The following FOXP2 variants were observed in gnomAD, a reference collection of about 807,000 sequenced individuals.
FOXP2 encodes forkhead box P2, also known as forkhead box protein P2.
Under a neutral mutation model 115.8 loss-of-function variants are expected in FOXP2, and 12 were observed. The observed-to-expected ratio is 0.10, with a 90% CI of 0.07 to 0.17. The LOEUF is 0.17. FOXP2 is among the 10% of genes least tolerant of loss of function. FOXP2 has a pLI of 1.00. For synonymous variants in FOXP2, 328 were observed against 297.7 expected (o/e 1.10, Z -1.05); for missense variants, 629 against 843.5 (o/e 0.75, Z 3.15).
At position 114,629,915 on chromosome 7, in the gene FOXP2, G is replaced by GCAA. The variant is rs398124272; in HGVS notation, c.522_524dup (p.Gln191dup). ...AACAACAGCAGCAACAACAGCAGCAGCAACAACAACAACAACAGCAGCAAC... is the reference window on the plus strand; with the variant it reads ...AACAACAGCAGCAACAACAGCAGCAGCAACAACAACAACAACAACAGCAGCAAC... On this transcript the variant is annotated inframe_insertion, in exon 5 of 17. Coordinates refer to ENST00000350908, the MANE Select transcript of FOXP2 (RefSeq NM_014491.4). The GCAA allele has an allele frequency of 1.6e-5, 25 of 1,608,492 alleles. No homozygotes were observed. Among genetic ancestry groups the GCAA allele is most frequent in the African/African-American group, 1.1e-4 (8 of 73,660 alleles).
chr7:114,421,924 T>G (rs980250227), intron 1 of FOXP2, among the ~76,000 whole-genome samples: 9 of 151,846 alleles, frequency 5.9e-5, no homozygotes, highest in African/African-American at 2.2e-4. Context: ...TTCAGAAGTT[T>G]TAAATCACAG....
At position 114,389,103 on chromosome 7, in the gene FOXP2, A is replaced by G. The variant is rs561498094; in HGVS notation, c.-10-37399A>G. Among the ~76,000 whole-genome samples, 5 of 152,356 alleles carry G rather than the reference A, an allele frequency of 3.3e-5. No homozygotes were observed. The South Asian group carries it at 8.3e-4, about 25-fold the overall frequency. ...GCTATACTAGCTTTTCCTGAATGAC[A>G]TGGTAGACATATTCCTTCATATCAT... is the stretch of plus-strand genomic sequence containing the variant. On this transcript the variant is annotated intron_variant, in intron 2 of 17. Coordinates refer to the FOXP2 transcript ENST00000634411.
At chr7:114,656,559 G>A in intron 10 of FOXP2, 1 of 434,240 alleles carries the variant, frequency 2.3e-6, no homozygotes, top group Admixed American at 2.7e-5. Flanking sequence ...TGTATTAAAT[G>A]CAGCATTTAG....
chr7:114,465,441 T>G (rs1795760621), intron 2 of FOXP2, among the ~76,000 whole-genome samples: 1 of 152,192 alleles, frequency 6.6e-6, no homozygotes, highest in African/African-American at 2.4e-5. Flanking sequence ...GCATAGAAAC[T>G]TATTAGAGTG....
chr7:114,615,980 T>G (rs1455343114), intron 3 of FOXP2, among the ~76,000 whole-genome samples: 1 of 152,206 alleles, frequency 6.6e-6, no homozygotes, highest in Non-Finnish European at 1.5e-5. Context: ...CTTTATTTCT[T>G]TCCTAGAATA....
chr7:114,519,795 G>A (rs1000327192), intron 2 of FOXP2, among the ~76,000 whole-genome samples: 1 of 152,040 alleles, frequency 6.6e-6, no homozygotes, highest in Non-Finnish European at 1.5e-5. Context: ...TCAAGCAGTG[G>A]CCATTTGGGA....
intron 2 of FOXP2, among the ~76,000 whole-genome samples, chr7:114,332,116 G>A (rs1797729306): frequency 6.6e-6 from 1 of 151,770 alleles, no homozygotes; most frequent in South Asian, 2.1e-4. Flanking sequence ...ATATGAACGT[G>A]TGTGTGTGTG....
intron 1 of FOXP2, among the ~76,000 whole-genome samples, chr7:114,115,864 A>G (rs974589895): frequency 1.4e-4 from 22 of 152,250 alleles, no homozygotes; most frequent in Middle Eastern, 3.4e-3. Context: ...CACCTGGTGT[A>G]TGGTAGGAAT....
chr7:114,377,705 C>G (rs1037227997), intron 2 of FOXP2, among the ~76,000 whole-genome samples: 3 of 152,194 alleles, frequency 2.0e-5, no homozygotes, highest in Non-Finnish European at 4.4e-5. Context: ...CTCCTGGAAG[C>G]TTTCTTCACA....
intron 2 of FOXP2, among the ~76,000 whole-genome samples, chr7:114,313,138 C>T (rs1180702185): frequency 6.6e-6 from 1 of 152,198 alleles, no homozygotes; most frequent in Non-Finnish European, 1.5e-5. Context: ...AGACTCACTA[C>T]ATGCATCATT....
chr7:114,645,810 A>G (rs1177266255), intron 8 of FOXP2: 1 of 152,176 alleles, frequency 6.6e-6, no homozygotes, highest in African/African-American at 2.4e-5. Flanking sequence ...ACTTGGCATC[A>G]CAATAACTTT....
At chr7:114,200,347 T>C (rs978076337) in intron 1 of FOXP2, among the ~76,000 whole-genome samples, 1 of 152,222 alleles carries the variant, frequency 6.6e-6, no homozygotes, top group Non-Finnish European at 1.5e-5. Flanking sequence ...ATAGATATAA[T>C]ATGTGACTTC....
At chr7:114,573,866 A>G (rs1425200042) in intron 3 of FOXP2, among the ~76,000 whole-genome samples, 2 of 151,886 alleles carry the variant, frequency 1.3e-5, no homozygotes, top group African/African-American at 2.4e-5. Context: ...AGGAAATAAT[A>G]TTACATATTT....
chr7:114,193,915 T>G (rs1793829571), intron 1 of FOXP2, among the ~76,000 whole-genome samples: 1 of 152,132 alleles, frequency 6.6e-6, no homozygotes, highest in African/African-American at 2.4e-5. Flanking sequence ...CTTCAATACA[T>G]AAAACTTAGA....
chr7:114,606,827 GC>G (rs1803358808), intron 3 of FOXP2, among the ~76,000 whole-genome samples: 1 of 152,156 alleles, frequency 6.6e-6, no homozygotes, highest in South Asian at 2.1e-4. Flanking sequence ...ATATGTGAGT[GC>G]TTACAAAGTT....
intron 3 of FOXP2, among the ~76,000 whole-genome samples, chr7:114,624,336 A>G (rs1366896151): frequency 6.6e-6 from 1 of 151,950 alleles, no homozygotes; most frequent in Non-Finnish European, 1.5e-5. Flanking sequence ...CTTTGTCTTC[A>G]AATTTTAAAC....
intron 3 of FOXP2, among the ~76,000 whole-genome samples, chr7:114,608,017 A>G (rs879684567): frequency 2.0e-4 from 31 of 152,182 alleles, no homozygotes; most frequent in Admixed American, 1.1e-3. Context: ...AATGCCAAAT[A>G]TTTAGTATTA....
intron 2 of FOXP2, among the ~76,000 whole-genome samples, chr7:114,301,754 C>T (rs902863240): frequency 6.6e-6 from 1 of 152,048 alleles, no homozygotes; most frequent in East Asian, 1.9e-4. Flanking sequence ...TGGAGGAATC[C>T]TCTAAGAATG....
At chr7:114,373,453 G>A (rs918934753) in intron 2 of FOXP2, among the ~76,000 whole-genome samples, 3 of 152,038 alleles carry the variant, frequency 2.0e-5, no homozygotes, top group Non-Finnish European at 4.4e-5. Flanking sequence ...AGTGGCCTAT[G>A]AGAAAAACAA....
Sources: allele counts gnomAD v4.1 joint callset (sites outside exome capture counted in the v4.1 genomes callset), GRCh38; gene constraint gnomAD v4.1.1; transcripts MANE v1.5; gene names NCBI Gene and HGNC (gene_info 2026-07-23, HGNC 2026-07-21).